The following CHIC1 variants were observed in gnomAD, a reference collection of about 807,000 sequenced individuals.
CHIC1 encodes the protein cysteine rich hydrophobic domain 1.
A neutral mutation model predicts 18.5 loss-of-function variants in CHIC1; 7 were observed. The ratio of observed to expected loss-of-function variants is 0.38; its 90% CI spans 0.22 to 0.71. The LOEUF is 0.71. Ranked by LOEUF, CHIC1 falls within the 30% of genes least tolerant of loss-of-function variation. The pLI is 0.49. For synonymous variants in CHIC1, 77 were observed against 73.5 expected, an observed-to-expected ratio of 1.05 and a Z score of -0.25; for missense variants, 159 against 176.9, an observed-to-expected ratio of 0.90 and a Z score of 0.57.
At chrX:73,616,077 C>CCCCCT (rs2057731443) in intron 3 of CHIC1, among the ~76,000 whole-genome samples, 1 of 110,025 alleles carries the variant, frequency 9.1e-6, no homozygotes, top group Non-Finnish European at 1.9e-5. Context: ...GGTTATTGGC[C>CCCCCT]CCCCTCCCCC....
intron 3 of CHIC1, among the ~76,000 whole-genome samples, chrX:73,664,587 C>T (rs934043137): frequency 2.7e-5 from 3 of 111,156 alleles, no homozygotes; most frequent in Non-Finnish European, 5.6e-5. Context: ...CTCTTAATTG[C>T]CTGGGTTAAC....
At chrX:73,677,861 C>T (rs1224154115) in intron 3 of CHIC1, among the ~76,000 whole-genome samples, 2 of 112,299 alleles carry the variant, frequency 1.8e-5, no homozygotes, top group Non-Finnish European at 3.8e-5. Flanking sequence ...AGAGCTGTTT[C>T]TATTCGGCCA....
intron 3 of CHIC1, among the ~76,000 whole-genome samples, chrX:73,662,670 G>GTATT (rs1353158492): frequency 5.0e-4 from 55 of 109,003 alleles, no homozygotes; most frequent in African/African-American, 1.7e-3. Context: ...CAAGTTGCTA[G>GTATT]TATTTAATTT....
intron 3 of CHIC1, among the ~76,000 whole-genome samples, chrX:73,626,017 G>A (rs1434566634): frequency 9.0e-6 from 1 of 110,594 alleles, no homozygotes; most frequent in Non-Finnish European, 1.9e-5. Flanking sequence ...TTCATGGTTC[G>A]CCAGGAAGAT....
intron 3 of CHIC1, among the ~76,000 whole-genome samples, chrX:73,609,292 C>T (rs1291086596): frequency 1.8e-5 from 2 of 108,419 alleles, no homozygotes; most frequent in Non-Finnish European, 3.8e-5. Context: ...GAAACAAAAA[C>T]CTTTTAGTCT....
intron 3 of CHIC1, among the ~76,000 whole-genome samples, chrX:73,609,387 A>C (rs978259723): frequency 9.3e-6 from 1 of 107,428 alleles, no homozygotes; most frequent in Non-Finnish European, 1.9e-5. Flanking sequence ...TTCCATTCCT[A>C]ATTTGTTTGG....
At chrX:73,666,087 A>T (rs755951258) in intron 3 of CHIC1, among the ~76,000 whole-genome samples, 1 of 111,776 alleles carries the variant, frequency 8.9e-6, no homozygotes, top group Non-Finnish European at 1.9e-5. Context: ...GGATAAGAGA[A>T]TTTGGCTGCC....
In CHIC1 at chrX:73,684,521, C is replaced by T; in HGVS notation, c.*3516C>T. 1 of 111,003 alleles carries T rather than the reference C, an allele frequency of 9.0e-6. No homozygotes were observed. The allele number at this position is 111,003 out of a possible 1,213,427, so 9.1% of individuals were successfully genotyped here. On this transcript the variant is annotated 3_prime_UTR_variant, in exon 6 of 6. Coordinates refer to ENST00000373502, the MANE Select transcript of CHIC1 (RefSeq NM_001039840.4). The stretch of plus-strand genomic sequence containing the variant: ...AACCTCACTACTTGAACATAAAGCT[C>T]CCAAACAATATTGTATTAAAATGTA...
chrX:73,644,378 G>T (rs1027432896), intron 3 of CHIC1, among the ~76,000 whole-genome samples: 1 of 112,237 alleles, frequency 8.9e-6, no homozygotes, highest in East Asian at 2.8e-4. Context: ...ATCTCCAGCT[G>T]CATGCTGGGA....
At chrX:73,606,169 CTTTG>C (rs1296715972) in intron 3 of CHIC1, among the ~76,000 whole-genome samples, 3 of 107,154 alleles carry the variant, frequency 2.8e-5, no homozygotes, top group South Asian at 3.9e-4. Flanking sequence ...TTCTTGGAGG[CTTTG>C]TTTGTTCCTT....
At chrX:73,592,516 C>T (rs967099685) in intron 3 of CHIC1, among the ~76,000 whole-genome samples, 6 of 111,215 alleles carry the variant, frequency 5.4e-5, no homozygotes, top group African/African-American at 1.6e-4. Context: ...TTTATTGATT[C>T]GCATATGTTG....
intron 3 of CHIC1, among the ~76,000 whole-genome samples, chrX:73,607,393 G>A (rs1255007176): frequency 9.2e-6 from 1 of 108,535 alleles, no homozygotes; most frequent in Non-Finnish European, 1.9e-5. Flanking sequence ...AGAATTTCAA[G>A]CCAGTGGATC....
chrX:73,569,755 A>G (rs993381653), intron 1 of CHIC1, among the ~76,000 whole-genome samples: 3 of 111,590 alleles, frequency 2.7e-5, no homozygotes, highest in Non-Finnish European at 5.7e-5. Context: ...TGCTGAGTCT[A>G]TAAAAGGGAA....
At chrX:73,642,677 A>G (rs1037171522) in intron 3 of CHIC1, among the ~76,000 whole-genome samples, 4 of 110,521 alleles carry the variant, frequency 3.6e-5, no homozygotes, top group African/African-American at 1.3e-4. Context: ...TCTTTAATCC[A>G]TCTTGAATTA....
At chrX:73,669,005 G>C in intron 3 of CHIC1, among the ~76,000 whole-genome samples, 1 of 112,830 alleles carries the variant, frequency 8.9e-6, no homozygotes. Context: ...ATCCCAGGGA[G>C]AGGTGGGGAG....
intron 3 of CHIC1, among the ~76,000 whole-genome samples, chrX:73,674,426 A>G (rs1469144503): frequency 8.9e-6 from 1 of 111,873 alleles, no homozygotes; most frequent in Admixed American, 9.4e-5. Flanking sequence ...TTATTTGTCT[A>G]TTCAGAGATT....
intron 4 of CHIC1, 67 bp downstream of exon 4, chrX:73,679,449 C>A: frequency 1.3e-6 from 1 of 785,446 alleles, no homozygotes; most frequent in Non-Finnish European, 1.9e-6. Context: ...AAAATAAATA[C>A]AAAATGGGAA....
rs199752892 is a variant in CHIC1, at chrX:73,594,142, CTTTGTTTTGTTTTGTTTTGT to C, written c.507+9597_507+9616del. ...GTGAATGTTGTGTACAGGTGCTTTC[CTTTGTTTTGTTTTGTTTTGT>C]TTTGTTTTGTTTTGTTTTGTTTTGT... On this transcript the variant is annotated intron_variant, in intron 3 of 5. Transcript: ENST00000373502. 1.3e-4 allele frequency among the ~76,000 whole-genome samples: 13 copies of C among 101,572 alleles called. No homozygotes were observed. In the South Asian group the frequency reaches 1.5e-3, roughly 11 times the overall value. 88.2% of individuals were successfully genotyped at this position (101,572 alleles called of 115,157 possible). A position where few individuals can be genotyped will look rare whatever the true frequency, so the allele number is the denominator to read the frequency against.
intron 3 of CHIC1, among the ~76,000 whole-genome samples, chrX:73,665,501 C>G (rs1261475459): frequency 1.8e-5 from 2 of 111,481 alleles, no homozygotes; most frequent in African/African-American, 6.5e-5. Context: ...CGAGGCTCCA[C>G]TAGCTTTAAG....
Sources: allele counts gnomAD v4.1 joint callset (sites outside exome capture counted in the v4.1 genomes callset), GRCh38; gene constraint gnomAD v4.1.1; transcripts MANE v1.5; gene names NCBI Gene and HGNC (gene_info 2026-07-23, HGNC 2026-07-21).